Variants in EPC2 observed in about 807,000 individuals in gnomAD.
The protein encoded by EPC2 is enhancer of polycomb 2, also known as enhancer of polycomb homolog 2.
In EPC2, 14 loss-of-function variants were observed where a neutral mutation model predicts 92.1. The ratio of observed to expected loss-of-function variants is 0.15; its 90% confidence interval spans 0.10 to 0.24. EPC2 has a LOEUF of 0.24. Ranked by LOEUF, EPC2 falls within the 10% of genes least tolerant of loss-of-function variation. The probability of loss-of-function intolerance (pLI) is 1.00; values close to 1 mark genes in which losing one functional copy is unlikely to be tolerated. For missense variants in EPC2, 755 were observed against 971.5 expected (o/e 0.78, Z 2.96); for synonymous variants, 340 against 334.7 (o/e 1.02, Z -0.17).
chr2:148,686,556 T>C (rs1480693266), intron 1 of EPC2, among the ~76,000 whole-genome samples: 1 of 152,248 alleles, frequency 6.6e-6, no homozygotes, highest in Non-Finnish European at 1.5e-5. Context: ...CAGTTTACTT[T>C]GCTCAGATCC....
intron 1 of EPC2, among the ~76,000 whole-genome samples, chr2:148,669,659 G>T (rs1384845949): frequency 6.6e-6 from 1 of 152,098 alleles, no homozygotes; most frequent in Non-Finnish European, 1.5e-5. Context: ...TCATCCAAAA[G>T]AGTTTGAGGG....
At chr2:148,762,208 G>GTGA (rs1683313553) in intron 5 of EPC2, 1 of 224,334 alleles carries the variant, frequency 4.5e-6, no homozygotes, top group Admixed American at 5.8e-5. Context: ...AAGAACTCTA[G>GTGA]TGATCATATT....
intron 1 of EPC2, among the ~76,000 whole-genome samples, chr2:148,676,857 A>G (rs995687633): frequency 1.3e-5 from 1 of 79,478 alleles, no homozygotes; most frequent in African/African-American, 4.3e-5. Context: ...TATAGCCATT[A>G]TTACCCACTT....
chr2:148,648,655 C>T lies in EPC2; in HGVS notation c.153+3485C>T, dbSNP rs942572494. ...TTTCCCATTCCCCCTCTATCCCCACCCACCCTTAAAATTAAGGCCTGTCTC... is the reference window on the plus strand; with the variant it reads ...TTTCCCATTCCCCCTCTATCCCCACTCACCCTTAAAATTAAGGCCTGTCTC... On this transcript the variant is annotated intron_variant, in intron 1 of 13. Transcript: ENST00000258484. Among the ~76,000 whole-genome samples, 23 of 152,214 alleles carry T rather than the reference C, an allele frequency of 1.5e-4. No individual in the cohort carries two copies. In the South Asian group the frequency reaches 3.5e-3, roughly 23 times the overall value.
intron 3 of EPC2, among the ~76,000 whole-genome samples, chr2:148,747,813 T>A (rs943271383): frequency 6.6e-6 from 1 of 152,134 alleles, no homozygotes; most frequent in Non-Finnish European, 1.5e-5. Context: ...ATTTTTTCAT[T>A]TATCTTAAGC....
chr2:148,669,178 A>G (rs1384104083), intron 1 of EPC2, among the ~76,000 whole-genome samples: 1 of 152,052 alleles, frequency 6.6e-6, no homozygotes, highest in African/African-American at 2.4e-5. Flanking sequence ...ATTTAATATG[A>G]TTTTTAGTAA....
intron 4 of EPC2, among the ~76,000 whole-genome samples, chr2:148,758,692 G>A (rs529103460): frequency 5.1e-4 from 77 of 152,118 alleles, no homozygotes; most frequent in African/African-American, 1.7e-3. Context: ...TACTGTGCCC[G>A]GCCTAACATA....
intron 2 of EPC2, among the ~76,000 whole-genome samples, chr2:148,740,613 A>G (rs557505598): frequency 5.9e-5 from 9 of 152,278 alleles, no homozygotes; most frequent in African/African-American, 1.9e-4. Flanking sequence ...TAAGAATAGA[A>G]TAAGAAGATA....
At chr2:148,710,292 A>C (rs1239689381) in intron 2 of EPC2, among the ~76,000 whole-genome samples, 3 of 152,186 alleles carry the variant, frequency 2.0e-5, no homozygotes, top group East Asian at 1.9e-4. Context: ...ATCAAAACCA[A>C]AATGAGATGC....
rs1033416958 is a variant in EPC2 at position 148,644,799 on chromosome 2, C to A, written c.-219C>A. 1.8e-5 allele frequency among the ~76,000 whole-genome samples: 2 copies of A among 111,316 alleles called. No individual in the cohort carries two copies. The highest frequency in any genetic ancestry group is 7.1e-5 in the African/African-American group (2 of 27,998). 73.0% of individuals were successfully genotyped at this position (111,316 alleles called of 152,430 possible). ...TGGCGCAGGGAGCGGATCGGGCGGG[C>A]GAGCGGCGGATCTAGTGTGTGGAGG... is the stretch of plus-strand genomic sequence containing the variant. On this transcript the variant is annotated 5_prime_UTR_variant, in exon 1 of 14. Coordinates refer to ENST00000258484, the MANE Select transcript of EPC2 (RefSeq NM_015630.4).
chr2:148,713,473 A>G (rs1682196047), intron 2 of EPC2, among the ~76,000 whole-genome samples: 1 of 152,256 alleles, frequency 6.6e-6, no homozygotes. Context: ...AAAAGTTTAT[A>G]AAGTGAAAAA....
At chr2:148,772,282 C>T (rs1683537793) in intron 10 of EPC2, among the ~76,000 whole-genome samples, 1 of 152,096 alleles carries the variant, frequency 6.6e-6, no homozygotes, top group South Asian at 2.1e-4. Flanking sequence ...CTCTTTATCA[C>T]ATGTATGCAA....
chr2:148,705,090 A>G (rs1681966334), intron 2 of EPC2, among the ~76,000 whole-genome samples: 1 of 151,960 alleles, frequency 6.6e-6, no homozygotes, highest in African/African-American at 2.4e-5. Context: ...TAAATATTTC[A>G]TTGTTTATCT....
intron 4 of EPC2, among the ~76,000 whole-genome samples, chr2:148,761,120 TATA>T (rs1683294391): frequency 6.6e-6 from 1 of 152,238 alleles, no homozygotes; most frequent in Non-Finnish European, 1.5e-5. Flanking sequence ...TTTCACTTTG[TATA>T]ATAATTAGTT....
intron 1 of EPC2, among the ~76,000 whole-genome samples, chr2:148,666,202 A>G (rs946239704): frequency 2.6e-5 from 4 of 152,180 alleles, no homozygotes; most frequent in Non-Finnish European, 5.9e-5. Flanking sequence ...GTGCAATGGC[A>G]TGATCATGGC....
intron 7 of EPC2, among the ~76,000 whole-genome samples, chr2:148,765,903 G>A (rs966272866): frequency 1.3e-5 from 2 of 152,098 alleles, no homozygotes; most frequent in African/African-American, 4.8e-5. Context: ...AGGTGTGGTG[G>A]CGGGCGCCTG....
intron 10 of EPC2, among the ~76,000 whole-genome samples, 193 bp downstream of exon 10, chr2:148,771,580 G>T (rs970983459): frequency 5.9e-5 from 9 of 152,078 alleles, no homozygotes; most frequent in African/African-American, 1.9e-4. Flanking sequence ...TCGGGTGTGT[G>T]CCTGGTACGG....
In EPC2 at chr2:148,644,865, G is replaced by T. The variant is rs1250387977; in HGVS notation, c.-153G>T. 7 of 617,270 alleles carry T rather than the reference G, an allele frequency of 1.1e-5. No homozygotes were observed. The highest frequency in any genetic ancestry group is 1.9e-5 in the Non-Finnish European group (7 of 371,572). 38.2% of individuals were successfully genotyped at this position (617,270 alleles called of 1,614,324 possible). ...GGGGCTGTTTTCGGGCGGGGTGGGC[G>T]CCCATGCTGTGGCCGGGGGCAGTGA... On this transcript the variant is annotated 5_prime_UTR_variant, in exon 1 of 14. Coordinates refer to ENST00000258484, the MANE Select transcript of EPC2 (RefSeq NM_015630.4).
chr2:148,649,222 C>CA (rs1279150200), intron 1 of EPC2, among the ~76,000 whole-genome samples: 1 of 151,924 alleles, frequency 6.6e-6, no homozygotes, highest in African/African-American at 2.4e-5. Context: ...ACTTTACATA[C>CA]AAAAAAAGTA....
Sources: allele counts gnomAD v4.1 joint callset (sites outside exome capture counted in the v4.1 genomes callset), GRCh38; gene constraint gnomAD v4.1.1; transcripts MANE v1.5; gene names NCBI Gene and HGNC (gene_info 2026-07-23, HGNC 2026-07-21).